The following MAML2 variants were observed in gnomAD, a reference collection of about 807,000 sequenced individuals.
The protein encoded by MAML2 is mastermind like transcriptional coactivator 2, also known as mastermind-like protein 2.
MAML2 carries 22 observed loss-of-function variants against 96.1 expected under a neutral mutation model. The observed-to-expected ratio is 0.23, with a 90% CI of 0.16 to 0.33. MAML2 has a LOEUF of 0.33. Ranked by LOEUF, MAML2 falls within the 10% of genes least tolerant of loss-of-function variation. MAML2 has a pLI of 1.00. For missense variants in MAML2, 1,367 were observed against 1,392.4 expected (o/e 0.98, Z 0.29); for synonymous variants, 561 against 521.3 (o/e 1.08, Z -1.04).
intron 1 of MAML2, among the ~76,000 whole-genome samples, chr11:96,105,030 C>A (rs1161512488): frequency 1.3e-5 from 2 of 152,258 alleles, no homozygotes; most frequent in East Asian, 3.9e-4. Flanking sequence ...AAATAATTCC[C>A]AACTAAAACA....
At chr11:96,060,940 AAG>A (rs1311009643) in intron 2 of MAML2, among the ~76,000 whole-genome samples, 1 of 152,206 alleles carries the variant, frequency 6.6e-6, no homozygotes, top group Non-Finnish European at 1.5e-5. Context: ...ATGTCATAGA[AAG>A]AGAGACTGAG....
At chr11:96,083,072 T>C (rs1388668909) in intron 2 of MAML2, among the ~76,000 whole-genome samples, 1 of 152,200 alleles carries the variant, frequency 6.6e-6, no homozygotes, top group Non-Finnish European at 1.5e-5. Context: ...TGTTGGCCTC[T>C]GAGAAGTGGC....
intron 1 of MAML2, among the ~76,000 whole-genome samples, chr11:96,245,723 T>TTA (rs1862502007): frequency 6.7e-6 from 1 of 150,080 alleles, no homozygotes; most frequent in Non-Finnish European, 1.5e-5. Flanking sequence ...TTTTTTTTTT[T>TTA]AGACAGAGTC....
intron 1 of MAML2, among the ~76,000 whole-genome samples, chr11:96,302,832 C>T (rs534985936): frequency 1.0e-3 from 152 of 152,314 alleles, no homozygotes; most frequent in South Asian, 1.9e-3. Context: ...AGATGTACTA[C>T]GCTCCAGGTT....
At chr11:96,321,497 T>C (rs1268895209) in intron 1 of MAML2, among the ~76,000 whole-genome samples, 6 of 152,248 alleles carry the variant, frequency 3.9e-5, no homozygotes, top group Non-Finnish European at 7.3e-5. Context: ...TCCTTTATCA[T>C]ATTTCTGTAG....
At chr11:96,052,897 G>T (rs895129770) in intron 2 of MAML2, among the ~76,000 whole-genome samples, 4 of 152,214 alleles carry the variant, frequency 2.6e-5, no homozygotes, top group Non-Finnish European at 5.9e-5. Flanking sequence ...ACGATCTAAG[G>T]CAAAGATCTC....
chr11:96,299,060 A>T (rs12575665), intron 1 of MAML2, among the ~76,000 whole-genome samples: 22,163 of 52,960 alleles, frequency 0.42, 5,185 homozygotes, highest in East Asian at 0.5. Context: ...AAAAAAAAAA[A>T]ATATATATAT....
intron 3 of MAML2, among the ~76,000 whole-genome samples, chr11:95,988,588 A>G (rs867824099): frequency 4.7e-5 from 7 of 147,960 alleles, no homozygotes; most frequent in Non-Finnish European, 8.9e-5. Flanking sequence ...TAATATTTAT[A>G]TTACATATAT....
chr11:95,995,802 A>G (rs1161485559), intron 2 of MAML2, among the ~76,000 whole-genome samples: 3 of 152,050 alleles, frequency 2.0e-5, no homozygotes, highest in Non-Finnish European at 4.4e-5. Context: ...CCTCACTTCT[A>G]TCATTTGCCT....
chr11:96,178,150 G>A (rs1375188122), intron 1 of MAML2, among the ~76,000 whole-genome samples: 2 of 151,132 alleles, frequency 1.3e-5, no homozygotes, highest in Non-Finnish European at 2.9e-5. Context: ...AAAAACTGTG[G>A]GAAAACACAT....
chr11:96,085,333 C>T (rs1390089008), intron 2 of MAML2, among the ~76,000 whole-genome samples: 1 of 152,190 alleles, frequency 6.6e-6, no homozygotes, highest in Non-Finnish European at 1.5e-5. Flanking sequence ...CCTTCTGAAT[C>T]TCAAGTCTTT....
At chr11:96,204,842 C>T (rs762806028) in intron 1 of MAML2, among the ~76,000 whole-genome samples, 1 of 152,306 alleles carries the variant, frequency 6.6e-6, no homozygotes, top group South Asian at 2.1e-4. Context: ...ATTTTAGGTG[C>T]ACCTAAATTA....
At chr11:96,137,068 G>A (rs534408744) in intron 1 of MAML2, among the ~76,000 whole-genome samples, 20 of 152,076 alleles carry the variant, frequency 1.3e-4, no homozygotes, top group Non-Finnish European at 1.9e-4. Context: ...TTTCAGTGTC[G>A]TCAATTTTCC....
At chr11:96,079,309 C>T (rs940997128) in intron 2 of MAML2, among the ~76,000 whole-genome samples, 1 of 152,112 alleles carries the variant, frequency 6.6e-6, no homozygotes. Flanking sequence ...ATATTACACA[C>T]ACATGTGAAA....
At chr11:96,133,679 G>A (rs1362238887) in intron 1 of MAML2, among the ~76,000 whole-genome samples, 2 of 152,144 alleles carry the variant, frequency 1.3e-5, no homozygotes, top group African/African-American at 4.8e-5. Flanking sequence ...ACCTTTAAAG[G>A]CTGTGTATAT....
intron 1 of MAML2, among the ~76,000 whole-genome samples, chr11:96,258,760 G>A (rs916811091): frequency 1.3e-5 from 2 of 152,198 alleles, no homozygotes; most frequent in Admixed American, 6.5e-5. Context: ...GGGCATAAAC[G>A]AAATTATAAC....
At chr11:96,025,381 G>A (rs1048101556) in intron 2 of MAML2, among the ~76,000 whole-genome samples, 14 of 152,142 alleles carry the variant, frequency 9.2e-5, no homozygotes, top group Admixed American at 7.2e-4. Flanking sequence ...GGGAACGACA[G>A]GTACTGGGGA....
chr11:95,984,263 A>G (rs1248051678), intron 4 of MAML2, among the ~76,000 whole-genome samples: 2 of 152,180 alleles, frequency 1.3e-5, no homozygotes, highest in African/African-American at 4.8e-5. Context: ...GTATAAGTAC[A>G]CTTTATGATG....
chr11:96,286,657 AAAGT>A (rs1863145261), intron 1 of MAML2, among the ~76,000 whole-genome samples: 4 of 151,364 alleles, frequency 2.6e-5, no homozygotes, highest in Admixed American at 6.6e-5. Context: ...GATTTGTCAC[AAAGT>A]AAGGTGCTAA....
Sources: gnomAD v4.1 joint callset for allele counts (sites outside exome capture counted in the v4.1 genomes callset) on GRCh38, gnomAD v4.1.1 for gene constraint, MANE v1.5 for transcripts, NCBI Gene and HGNC (gene_info 2026-07-23, HGNC 2026-07-21) for gene names.